PLS1: variants seen among roughly 807,000 people sequenced by gnomAD.
The protein encoded by PLS1 is plastin 1.
A neutral mutation model predicts 73.7 loss-of-function variants in PLS1; 32 were observed. The ratio of observed to expected loss-of-function variants is 0.43; its 90% CI spans 0.33 to 0.58. The LOEUF is 0.58. Among genes scored for constraint, PLS1 ranks in the 20% least tolerant of loss-of-function variants. The pLI, the probability that PLS1 is intolerant of heterozygous loss-of-function variation, is 0.04. For synonymous variants in PLS1, 217 were observed against 261.3 expected (o/e 0.83, Z 1.63); for missense variants, 633 against 740.5 (o/e 0.85, Z 1.68).
rs375635005 is a variant in PLS1, at chr3:142,601,172, G to A, written c.-37+4663G>A. Among the ~76,000 whole-genome samples the A allele has an allele frequency of 2.6e-4, 39 of 150,534 alleles. 1 individual carries two copies. Among genetic ancestry groups the A allele is most frequent in the African/African-American group, 7.6e-4 (31 of 41,028 alleles). On this transcript the variant is annotated intron_variant, in intron 1 of 15. Coordinates refer to ENST00000457734, the MANE Select transcript of PLS1 (RefSeq NM_001145319.2). ...GATCTCCTGACCTCGTGATCCGCCCGCCTTGGCCTCCCAAAGTGCTGGGAT... is the reference window on the plus strand; with the variant it reads ...GATCTCCTGACCTCGTGATCCGCCCACCTTGGCCTCCCAAAGTGCTGGGAT...
At chr3:142,596,677 A>G (rs2035821874) in intron 1 of PLS1, among the ~76,000 whole-genome samples, 168 bp downstream of exon 1, 3 of 152,212 alleles carry the variant, frequency 2.0e-5, no homozygotes, top group Middle Eastern at 3.2e-3. Flanking sequence ...TCCTCTGGGC[A>G]CGCTTCTGCC....
intron 14 of PLS1, among the ~76,000 whole-genome samples, chr3:142,709,784 G>A (rs1051849149): frequency 1.3e-5 from 2 of 149,226 alleles, no homozygotes; most frequent in Non-Finnish European, 3.0e-5. Flanking sequence ...AACACTGCAC[G>A]CCAGCCTGGG....
chr3:142,630,538 G>A (rs1166854962), intron 1 of PLS1, among the ~76,000 whole-genome samples: 4 of 151,752 alleles, frequency 2.6e-5, no homozygotes, highest in Non-Finnish European at 5.9e-5. Flanking sequence ...AGATCATGAT[G>A]TCAGGAGTTC....
chr3:142,647,503 C>CTTTCTTTTTT (rs1553785179), intron 1 of PLS1, among the ~76,000 whole-genome samples: 1 of 141,938 alleles, frequency 7.0e-6, no homozygotes, highest in Non-Finnish European at 1.5e-5. Flanking sequence ...TTTTTCTTTT[C>CTTTCTTTTTT]TTTTTTTTTT....
At chr3:142,672,564 C>T (rs1322904866) in intron 4 of PLS1, among the ~76,000 whole-genome samples, 4 of 151,862 alleles carry the variant, frequency 2.6e-5, no homozygotes, top group Non-Finnish European at 4.4e-5. Context: ...AGGATGGTCT[C>T]GATCTCCTGA....
At chr3:142,650,942 G>A (rs2037074403) in intron 1 of PLS1, among the ~76,000 whole-genome samples, 1 of 152,124 alleles carries the variant, frequency 6.6e-6, no homozygotes, top group South Asian at 2.1e-4. Context: ...AGCTGGGAAA[G>A]TCTCTGTGGT....
chr3:142,620,323 C>T (rs894974260), intron 1 of PLS1, among the ~76,000 whole-genome samples: 1 of 152,100 alleles, frequency 6.6e-6, no homozygotes, highest in South Asian at 2.1e-4. Flanking sequence ...GACGGGGTTT[C>T]ACCATGTTGG....
chr3:142,711,625 A>G lies in PLS1; in HGVS notation c.1754A>G (p.Lys585Arg). Residue 585 changes from lysine (K) to arginine (R), a missense_variant and splice_region_variant, in exon 15 of 16, where the codon AAA becomes AGA. Transcript: ENST00000457734. Reference sequence around the variant, plus strand: ...GATGAGGACAAGCTGAACAATGCTAAGTAAGCCTTTATGGTTTATATTACA... The same window carrying G: ...GATGAGGACAAGCTGAACAATGCTAGGTAAGCCTTTATGGTTTATATTACA... Reference protein sequence around the residue: ...LSDEDKLNNAKYAISVARKIG... With the variant: ...LSDEDKLNNARYAISVARKIG... 1 of 1,600,764 alleles carries G rather than the reference A, an allele frequency of 6.2e-7. No homozygotes were observed. The highest frequency in any genetic ancestry group is 8.5e-7 in the Non-Finnish European group (1 of 1,170,132).
chr3:142,599,320 ATTCTTTTTTTTTTTT>A (rs2035871743), intron 1 of PLS1, among the ~76,000 whole-genome samples: 1 of 137,250 alleles, frequency 7.3e-6, no homozygotes. Flanking sequence ...GGACTCAGAT[ATTCTTTTTTTTTTTT>A]TTTTTTTTTT....
intron 1 of PLS1, among the ~76,000 whole-genome samples, chr3:142,621,804 A>G (rs1348551026): frequency 2.7e-5 from 4 of 150,556 alleles, no homozygotes; most frequent in Non-Finnish European, 4.4e-5. Context: ...TTTCCTGTGA[A>G]GTGAAGTCCT....
At chr3:142,699,419 T>C (rs191852049) in intron 12 of PLS1, among the ~76,000 whole-genome samples, 284 of 152,022 alleles carry the variant, frequency 1.9e-3, no homozygotes, top group African/African-American at 6.4e-3. Context: ...AGATGTGCCA[T>C]TGCACTCCAG....
intron 1 of PLS1, among the ~76,000 whole-genome samples, chr3:142,609,972 G>A (rs909699509): frequency 6.6e-6 from 1 of 152,116 alleles, no homozygotes; most frequent in African/African-American, 2.4e-5. Context: ...TGGTTCAAAC[G>A]ATTCTCCTGC....
At chr3:142,643,509 G>A (rs756144393) in intron 1 of PLS1, among the ~76,000 whole-genome samples, 1 of 152,156 alleles carries the variant, frequency 6.6e-6, no homozygotes, top group Non-Finnish European at 1.5e-5. Flanking sequence ...GAGAAAGGTC[G>A]AGCAGAAATG....
intron 8 of PLS1, 124 bp from the exon 9 acceptor site, chr3:142,686,160 T>C (rs2037960303): frequency 2.7e-5 from 17 of 641,186 alleles, no homozygotes; most frequent in Non-Finnish European, 4.1e-5. Flanking sequence ...AGTAATTCTT[T>C]ATTTTTAAAG....
In PLS1 at chr3:142,676,254, T is replaced by C. The variant is rs755486028; in HGVS notation, c.462T>C (p.Ser154=). Residue 154 remains serine (S), a synonymous_variant, in exon 5 of 16, where the codon AGT becomes AGC. Coordinates refer to ENST00000457734, the MANE Select transcript of PLS1 (RefSeq NM_001145319.2). ...TACCCATGAATCCCAATGATGATAG[T>C]CTTTTCAAGTCACTTGCAGATGGCA... ...HLIPMNPNDD[S]LFKSLADGIL... is the part of the protein sequence containing the mutation. The C allele has an allele frequency of 1.2e-6, 2 of 1,613,428 alleles. No homozygotes were observed. The highest frequency in any genetic ancestry group is 2.7e-5 in the African/African-American group (2 of 74,894).
chr3:142,669,685 TGA>T, intron 3 of PLS1, 132 bp downstream of exon 3: 6 of 560,782 alleles, frequency 1.1e-5, no homozygotes, highest in Non-Finnish European at 1.9e-5. Flanking sequence ...ATGATGATGA[TGA>T]TGACAATAAC....
At chr3:142,645,200 A>G (rs1577829636) in intron 1 of PLS1, 1 of 152,222 alleles carries the variant, frequency 6.6e-6, no homozygotes, top group African/African-American at 2.4e-5. Context: ...TTTCAAATCC[A>G]TAAACTATCA....
chr3:142,619,846 A>AT (rs2036283030), intron 1 of PLS1, among the ~76,000 whole-genome samples: 1 of 152,230 alleles, frequency 6.6e-6, no homozygotes, highest in Non-Finnish European at 1.5e-5. Flanking sequence ...TTTTCTAAAT[A>AT]TGTTAATTCA....
intron 1 of PLS1, chr3:142,623,459 A>G (rs1184401979): frequency 6.6e-6 from 1 of 152,182 alleles, no homozygotes; most frequent in African/African-American, 2.4e-5. Context: ...GTCAAACACT[A>G]ACTTTGGCAG....
Sources: gnomAD v4.1 joint callset for allele counts (sites outside exome capture counted in the v4.1 genomes callset) on GRCh38, gnomAD v4.1.1 for gene constraint, MANE v1.5 for transcripts, NCBI Gene and HGNC (gene_info 2026-07-23, HGNC 2026-07-21) for gene names.